The following ELOC variants were observed in gnomAD, a reference collection of about 807,000 sequenced individuals.
The protein encoded by ELOC is elongin-C.
For missense variants in ELOC, 38 were observed against 139.0 expected, an observed-to-expected ratio of 0.27 and a Z score of 3.65; for synonymous variants, 40 against 51.3, an observed-to-expected ratio of 0.78 and a Z score of 0.94.
intron 1 of ELOC, among the ~76,000 whole-genome samples, chr8:73,971,045 A>AG (rs1304721352): frequency 1.3e-5 from 2 of 150,984 alleles, no homozygotes; most frequent in African/African-American, 4.9e-5. Flanking sequence ...AAAAAAAAAA[A>AG]AAAAAAGAAA....
chr8:73,953,973 G>C (rs922983069), intron 3 of ELOC, among the ~76,000 whole-genome samples: 2 of 152,186 alleles, frequency 1.3e-5, no homozygotes, highest in Non-Finnish European at 2.9e-5. Flanking sequence ...AAATTGTGGT[G>C]TATTCACATC....
chr8:73,966,256 C>A (rs1337722257), intron 1 of ELOC, among the ~76,000 whole-genome samples: 1 of 152,078 alleles, frequency 6.6e-6, no homozygotes, highest in Admixed American at 6.6e-5. Flanking sequence ...TGGTGAAGAA[C>A]TAACATTAAC....
intron 1 of ELOC, among the ~76,000 whole-genome samples, chr8:73,968,994 C>T (rs558082825): frequency 1.3e-5 from 2 of 152,342 alleles, no homozygotes; most frequent in Middle Eastern, 3.4e-3. Flanking sequence ...CTGGAGTGCT[C>T]CCAGTCATCT....
At chr8:73,956,420 T>C (rs1814194724) in intron 2 of ELOC, among the ~76,000 whole-genome samples, 1 of 152,196 alleles carries the variant, frequency 6.6e-6, no homozygotes, top group Non-Finnish European at 1.5e-5. Context: ...TAAACAGATT[T>C]ATTAACAAGG....
chr8:73,971,130 G>A (rs1216544920), intron 1 of ELOC, among the ~76,000 whole-genome samples: 1 of 152,026 alleles, frequency 6.6e-6, no homozygotes, highest in Non-Finnish European at 1.5e-5. Flanking sequence ...TCAAGGCCAG[G>A]CGCGGTGGCT....
At chr8:73,946,865 C>T in intron 3 of ELOC, 45 bp from the exon 4 acceptor site, 1 of 1,521,836 alleles carries the variant, frequency 6.6e-7, no homozygotes, top group South Asian at 1.2e-5. Context: ...GAATTGTGTC[C>T]TCCAAATTCA....
At chr8:73,962,528 T>C (rs1053373797) in intron 1 of ELOC, among the ~76,000 whole-genome samples, 1 of 152,134 alleles carries the variant, frequency 6.6e-6, no homozygotes, top group African/African-American at 2.4e-5. Context: ...CCATTATTAT[T>C]TTCTTTTCAT....
intron 2 of ELOC, 121 bp from the exon 3 acceptor site, chr8:73,956,175 G>A: frequency 1.1e-6 from 1 of 871,066 alleles, no homozygotes; most frequent in Non-Finnish European, 1.8e-6. Flanking sequence ...CCAATCACCT[G>A]AGGTCAGGAG....
Position 73,945,990 on chromosome 8 carries a change from T to A in ELOC, c.*640A>T, listed in dbSNP as rs1196034707. ...AGTCATGTAGTTTACTTGCTGACCA[T>A]CTGGCTACAGTTCAGTTTCTTCTGC... On this transcript the variant is annotated 3_prime_UTR_variant, in exon 4 of 4. Transcript: ENST00000520242. The A allele has an allele frequency of 6.6e-6, 1 of 151,366 alleles. No individual in the cohort carries two copies. The highest frequency in any genetic ancestry group is 6.6e-5 in the Admixed American group (1 of 15,228). 9.4% of individuals were successfully genotyped at this position (151,366 alleles called of 1,614,324 possible). A position where few individuals can be genotyped will look rare whatever the true frequency, so the allele number is the denominator to read the frequency against.
At chr8:73,956,206 A>G in intron 2 of ELOC, 152 bp from the exon 3 acceptor site, 2 of 647,866 alleles carry the variant, frequency 3.1e-6, no homozygotes, top group Non-Finnish European at 5.3e-6. Flanking sequence ...GCCTGGTCAA[A>G]CAAGCCCGTC....
At chr8:73,954,008 C>T (rs775737371) in intron 3 of ELOC, among the ~76,000 whole-genome samples, 2 of 151,992 alleles carry the variant, frequency 1.3e-5, no homozygotes, top group Non-Finnish European at 2.9e-5. Flanking sequence ...ATTATTCAGC[C>T]ATAAAAAAGA....
intron 3 of ELOC, among the ~76,000 whole-genome samples, chr8:73,948,463 G>A (rs1554593490): frequency 6.6e-6 from 1 of 152,088 alleles, no homozygotes; most frequent in Non-Finnish European, 1.5e-5. Flanking sequence ...GCTTTTCTGA[G>A]AATTAGTGAA....
chr8:73,966,663 G>A (rs188112333), intron 1 of ELOC, among the ~76,000 whole-genome samples: 1 of 149,518 alleles, frequency 6.7e-6, no homozygotes, highest in African/African-American at 2.5e-5. Context: ...TTTTTAAGTG[G>A]AGGTCTCCCT....
intron 3 of ELOC, 110 bp from the exon 4 acceptor site, chr8:73,946,930 G>A: frequency 4.8e-6 from 4 of 838,164 alleles, no homozygotes; most frequent in Admixed American, 2.8e-5. Context: ...TTAGAGATAA[G>A]TTCTTTAAAG....
chr8:73,967,466 T>C (rs1346950909), intron 1 of ELOC, among the ~76,000 whole-genome samples: 1 of 137,840 alleles, frequency 7.3e-6, no homozygotes, highest in Non-Finnish European at 1.6e-5. Context: ...TAATTTTCTT[T>C]TCTTTTTTTT....
At chr8:73,970,679 T>C (rs1467343716) in intron 1 of ELOC, 2 of 152,000 alleles carry the variant, frequency 1.3e-5, no homozygotes, top group African/African-American at 4.8e-5. Flanking sequence ...CAGACATATG[T>C]CATTTTAGGT....
At chr8:73,966,925 T>C (rs936232665) in intron 1 of ELOC, among the ~76,000 whole-genome samples, 1 of 152,176 alleles carries the variant, frequency 6.6e-6, no homozygotes. Context: ...CCATATAATG[T>C]AGTGCTTAAA....
chr8:73,957,131 C>A (rs1167289219), intron 2 of ELOC, among the ~76,000 whole-genome samples: 1 of 151,434 alleles, frequency 6.6e-6, no homozygotes, highest in Non-Finnish European at 1.5e-5. Context: ...CGAGACTGCG[C>A]CACTGCACTC....
Position 73,956,125 on chromosome 8 carries a change from G to A in ELOC, c.5-71C>T, listed in dbSNP as rs187140938. The A allele has an allele frequency of 2.2e-4, 327 of 1,472,236 alleles. 2 individuals carry two copies. In the East Asian group the frequency reaches 6.8e-3, roughly 30 times the overall value. 91.2% of individuals were successfully genotyped at this position (1,472,236 alleles called of 1,614,324 possible). ...ACTAAAACTAAACAGGTTTGGCTGG[G>A]CGCAGTGGCTCACGCCTGTAATCCC... On this transcript the variant is annotated intron_variant, in intron 2 of 3. Coordinates refer to ENST00000520242, the MANE Select transcript of ELOC (RefSeq NM_005648.4).
Sources: allele counts gnomAD v4.1 joint callset (sites outside exome capture counted in the v4.1 genomes callset), GRCh38; gene constraint gnomAD v4.1.1; transcripts MANE v1.5; gene names NCBI Gene and HGNC (gene_info 2026-07-23, HGNC 2026-07-21).